The following XKR6 variants were observed in gnomAD, a reference collection of about 807,000 sequenced individuals.
The protein encoded by XKR6 is XK related 6.
A neutral mutation model predicts 56.7 loss-of-function variants in XKR6; 22 were observed. The ratio of observed to expected loss-of-function variants is 0.39; its 90% CI spans 0.28 to 0.55. The LOEUF is 0.55. Ranked by LOEUF, XKR6 falls within the 20% of genes least tolerant of loss-of-function variation. The probability of loss-of-function intolerance (pLI) is 0.66; values close to 1 mark genes in which losing one functional copy is unlikely to be tolerated. For missense variants in XKR6, 852 were observed against 889.0 expected, an observed-to-expected ratio of 0.96 and a Z score of 0.53; for synonymous variants, 524 against 387.8, an observed-to-expected ratio of 1.35 and a Z score of -4.13.
intron 1 of XKR6, among the ~76,000 whole-genome samples, chr8:11,071,830 A>C (rs1391913496): frequency 6.6e-6 from 1 of 151,538 alleles, no homozygotes; most frequent in Non-Finnish European, 1.5e-5. Flanking sequence ...ACTGGGCAAT[A>C]ACCCAAGTGA....
chr8:10,988,105 C>A (rs1285629659), intron 1 of XKR6, among the ~76,000 whole-genome samples: 1 of 152,224 alleles, frequency 6.6e-6, no homozygotes, highest in Non-Finnish European at 1.5e-5. Context: ...TTTCACCCTC[C>A]CCTTCAACCA....
chr8:10,981,243 G>C (rs1024987017), intron 1 of XKR6, among the ~76,000 whole-genome samples: 1 of 152,176 alleles, frequency 6.6e-6, no homozygotes, highest in Non-Finnish European at 1.5e-5. Flanking sequence ...CAGAGCATAC[G>C]AGGGGGTAAA....
At chr8:11,070,504 A>G (rs1272035915) in intron 1 of XKR6, among the ~76,000 whole-genome samples, 1 of 152,184 alleles carries the variant, frequency 6.6e-6, no homozygotes, top group Non-Finnish European at 1.5e-5. Context: ...GCAAAGCAAA[A>G]TAAAGAAACA....
At chr8:10,917,151 G>T (rs994963900) in intron 2 of XKR6, among the ~76,000 whole-genome samples, 7 of 152,096 alleles carry the variant, frequency 4.6e-5, no homozygotes, top group African/African-American at 1.5e-4. Flanking sequence ...AACCCTCTGG[G>T]AGAGGCATGG....
chr8:10,909,774 T>G (rs775465711), intron 2 of XKR6, among the ~76,000 whole-genome samples: 25 of 152,196 alleles, frequency 1.6e-4, no homozygotes, highest in Non-Finnish European at 2.9e-5. Flanking sequence ...TCACATTTAC[T>G]GAATGTTTCA....
intron 1 of XKR6, among the ~76,000 whole-genome samples, chr8:11,013,581 T>C (rs1248252316): frequency 2.6e-5 from 4 of 152,204 alleles, no homozygotes; most frequent in Non-Finnish European, 5.9e-5. Flanking sequence ...CATAATATAA[T>C]ACGCCCCCTT....
chr8:11,037,857 C>CA lies in XKR6; in HGVS notation c.765-113028dup, dbSNP rs61377795. Among the ~76,000 whole-genome samples the CA allele has an allele frequency of 1.9e-3, 190 of 100,688 alleles. 1 individual carries two copies. The highest frequency in any genetic ancestry group is 9.8e-3 in the East Asian group (25 of 2,540). The allele number at this position is 100,688 out of a possible 152,430, so 66.1% of individuals were successfully genotyped here. A position where few individuals can be genotyped will look rare whatever the true frequency, so the allele number is the denominator to read the frequency against. The stretch of plus-strand genomic sequence containing the variant: ...TGGATGACAGAGCGAGACTTGGTTT[C>CA]AAAAAAAAAAAAAAAAAAAATTAGC... On this transcript the variant is annotated intron_variant, in intron 1 of 2. Transcript: ENST00000416569.
At chr8:10,978,717 G>A (rs577867438) in intron 1 of XKR6, among the ~76,000 whole-genome samples, 187 of 152,254 alleles carry the variant, frequency 1.2e-3, no homozygotes, top group African/African-American at 4.4e-3. Flanking sequence ...TGACAAAGAC[G>A]CCCACCCTCT....
chr8:10,925,398 C>T (rs1215217420), intron 1 of XKR6, among the ~76,000 whole-genome samples: 1 of 152,194 alleles, frequency 6.6e-6, no homozygotes, highest in East Asian at 1.9e-4. Flanking sequence ...ACCCCCACTG[C>T]ACAGGCTCCT....
intron 1 of XKR6, among the ~76,000 whole-genome samples, chr8:11,058,498 T>A (rs1001607195): frequency 2.0e-5 from 3 of 152,218 alleles, no homozygotes; most frequent in Non-Finnish European, 4.4e-5. Flanking sequence ...CATGGAATAC[T>A]ATGCAGCCAT....
intron 1 of XKR6, among the ~76,000 whole-genome samples, chr8:11,014,427 A>C (rs28693632): frequency 0.046 from 7,009 of 152,074 alleles, 557 homozygotes; most frequent in African/African-American, 0.16. Context: ...AGGCAGGAAA[A>C]CCCCCTGCGG....
chr8:10,943,530 C>G (rs1801447552), intron 1 of XKR6, among the ~76,000 whole-genome samples: 1 of 152,136 alleles, frequency 6.6e-6, no homozygotes, highest in African/African-American at 2.4e-5. Context: ...GCCTGGAGAT[C>G]CATCCCTGTG....
At chr8:10,902,377 A>T (rs972062143) in intron 2 of XKR6, among the ~76,000 whole-genome samples, 1 of 152,164 alleles carries the variant, frequency 6.6e-6, no homozygotes, top group African/African-American at 2.4e-5. Flanking sequence ...CAACCCACCC[A>T]TTCCACAGGA....
chr8:11,113,011 T>G (rs1426535427), intron 1 of XKR6, among the ~76,000 whole-genome samples: 1 of 152,126 alleles, frequency 6.6e-6, no homozygotes, highest in East Asian at 1.9e-4. Context: ...AAAGATGACT[T>G]TTAAAAAATG....
intron 1 of XKR6, among the ~76,000 whole-genome samples, chr8:10,925,773 G>C (rs1395534537): frequency 6.6e-6 from 1 of 152,174 alleles, no homozygotes; most frequent in Non-Finnish European, 1.5e-5. Context: ...GATATGCACA[G>C]TCGGCATCTC....
intron 1 of XKR6, among the ~76,000 whole-genome samples, chr8:11,110,939 C>T (rs1315330152): frequency 6.6e-6 from 1 of 151,798 alleles, no homozygotes; most frequent in African/African-American, 2.4e-5. Context: ...CAGGTTCACA[C>T]CATTCTCCTG....
intron 1 of XKR6, among the ~76,000 whole-genome samples, chr8:11,002,167 T>C (rs1304600988): frequency 6.6e-6 from 1 of 151,936 alleles, no homozygotes; most frequent in East Asian, 1.9e-4. Flanking sequence ...ATCACCCTGC[T>C]GTGAATGCCT....
At chr8:11,100,943 G>C (rs1033744424) in intron 1 of XKR6, among the ~76,000 whole-genome samples, 2 of 152,206 alleles carry the variant, frequency 1.3e-5, no homozygotes, top group Admixed American at 1.3e-4. Context: ...GGTGCCGGAG[G>C]AAGTGGTTAG....
intron 1 of XKR6, among the ~76,000 whole-genome samples, chr8:10,927,263 C>T (rs367894459): frequency 2.6e-5 from 4 of 152,108 alleles, no homozygotes; most frequent in South Asian, 4.1e-4. Flanking sequence ...GGCAGGGCTG[C>T]GTGCCCAGAT....
Sources: allele counts gnomAD v4.1 joint callset (sites outside exome capture counted in the v4.1 genomes callset), GRCh38; gene constraint gnomAD v4.1.1; transcripts MANE v1.5; gene names NCBI Gene and HGNC (gene_info 2026-07-23, HGNC 2026-07-21).